Variants in SHB observed in about 807,000 individuals in gnomAD.
SHB encodes SH2 domain-containing adapter protein B.
Under a neutral mutation model 52.3 loss-of-function variants are expected in SHB, and 20 were observed. The observed-to-expected ratio is 0.38, with a 90% confidence interval of 0.27 to 0.56. SHB has a LOEUF of 0.56. Among genes scored for constraint, SHB ranks in the 20% least tolerant of loss-of-function variants. The pLI is 0.71. For missense variants in SHB, 825 were observed against 723.3 expected, an observed-to-expected ratio of 1.14 and a Z score of -1.61; for synonymous variants, 397 against 316.5, an observed-to-expected ratio of 1.25 and a Z score of -2.70.
At chr9:37,954,074 G>A (rs1040191199) in intron 4 of SHB, among the ~76,000 whole-genome samples, 7 of 152,190 alleles carry the variant, frequency 4.6e-5, no homozygotes, top group Non-Finnish European at 5.9e-5. Flanking sequence ...TGGTCAGGAC[G>A]CACGCCGAAC....
chr9:38,000,782 T>C (rs938814675), intron 2 of SHB, among the ~76,000 whole-genome samples: 2 of 152,164 alleles, frequency 1.3e-5, no homozygotes, highest in Admixed American at 6.5e-5. Context: ...CCAGAGCCAG[T>C]TGGGGTTGAG....
intron 2 of SHB, among the ~76,000 whole-genome samples, chr9:38,008,627 T>C (rs143984335): frequency 8.3e-4 from 126 of 152,334 alleles, no homozygotes; most frequent in African/African-American, 2.8e-3. Context: ...CTGTGTAAAC[T>C]TGGCTAGTGC....
chr9:37,943,284 A>G (rs953905648), intron 5 of SHB, among the ~76,000 whole-genome samples: 2 of 152,142 alleles, frequency 1.3e-5, no homozygotes, highest in African/African-American at 4.8e-5. Flanking sequence ...TCATAGAAAG[A>G]GTACTTTCTA....
At chr9:37,937,259 G>A (rs1413414989) in intron 5 of SHB, among the ~76,000 whole-genome samples, 12 of 152,162 alleles carry the variant, frequency 7.9e-5, no homozygotes, top group Admixed American at 4.6e-4. Context: ...TATAAGCTCC[G>A]CCCTGAAAGC....
chr9:37,935,171 G>A (rs893999286), intron 5 of SHB, among the ~76,000 whole-genome samples: 4 of 152,160 alleles, frequency 2.6e-5, no homozygotes, highest in East Asian at 1.9e-4. Context: ...CATCTCCTGC[G>A]TTTGTTGCCT....
At chr9:38,035,561 T>C (rs1268544758) in intron 1 of SHB, among the ~76,000 whole-genome samples, 1 of 152,024 alleles carries the variant, frequency 6.6e-6, no homozygotes, top group Non-Finnish European at 1.5e-5. Context: ...ATGTGAAAGG[T>C]TGGGTGCCAT....
intron 1 of SHB, among the ~76,000 whole-genome samples, chr9:38,067,177 G>A (rs963361900): frequency 1.3e-5 from 2 of 152,186 alleles, no homozygotes; most frequent in Non-Finnish European, 2.9e-5. Context: ...GACCTTATGG[G>A]GTAGGGGTGA....
In SHB at chr9:37,994,290, T is replaced by C. The variant is rs1207918058; in HGVS notation, c.839-19453A>G. On this transcript the variant is annotated intron_variant, in intron 2 of 5. Transcript: ENST00000377707. ...GCTCCTCAAAAGTCAAATAAGTCAGTAGATATGAAAGAGTAACCAATGAAG... is the reference window on the plus strand; with the variant it reads ...GCTCCTCAAAAGTCAAATAAGTCAGCAGATATGAAAGAGTAACCAATGAAG... 2.6e-5 allele frequency among the ~76,000 whole-genome samples: 4 copies of C among 152,168 alleles called. No homozygotes were observed. The East Asian group carries it at 7.7e-4, about 29-fold the overall frequency.
At chr9:38,018,394 A>T (rs1821243468) in intron 1 of SHB, among the ~76,000 whole-genome samples, 1 of 152,090 alleles carries the variant, frequency 6.6e-6, no homozygotes, top group African/African-American at 2.4e-5. Context: ...TGCCTGCTCC[A>T]CTTACTTCCG....
At chr9:37,967,841 C>T (rs1415718281) in intron 3 of SHB, among the ~76,000 whole-genome samples, 4 of 152,238 alleles carry the variant, frequency 2.6e-5, no homozygotes, top group African/African-American at 7.2e-5. Context: ...ACATGTCAGA[C>T]CTAGAATAGG....
chr9:38,013,656 C>T (rs1458269250), intron 2 of SHB, among the ~76,000 whole-genome samples: 1 of 152,220 alleles, frequency 6.6e-6, no homozygotes, highest in African/African-American at 2.4e-5. Context: ...CAACTACTCA[C>T]CTTTGAGGTC....
At chr9:38,061,106 C>T (rs773044610) in intron 1 of SHB, among the ~76,000 whole-genome samples, 12 of 152,006 alleles carry the variant, frequency 7.9e-5, no homozygotes, top group East Asian at 1.9e-4. Context: ...CCAAGGCAGA[C>T]GGATCACTTG....
chr9:38,024,843 G>A (rs1821321482), intron 1 of SHB, among the ~76,000 whole-genome samples: 1 of 152,220 alleles, frequency 6.6e-6, no homozygotes, highest in Admixed American at 6.5e-5. Flanking sequence ...ACTACTGAAA[G>A]GATCCCTGGG....
At chr9:37,985,021 G>C (rs1820787295) in intron 2 of SHB, among the ~76,000 whole-genome samples, 10 of 152,154 alleles carry the variant, frequency 6.6e-5, no homozygotes, top group Admixed American at 5.9e-4. Flanking sequence ...CTAGTTTCCG[G>C]AGCTGTCTAG....
chr9:38,010,028 C>T (rs4878733), intron 2 of SHB, among the ~76,000 whole-genome samples: 65,450 of 152,030 alleles, frequency 0.43, 14,433 homozygotes, highest in Middle Eastern at 0.51. Flanking sequence ...TCTAAAAAGG[C>T]GGCCTAAGTA....
chr9:38,067,265 C>A (rs1821981623), intron 1 of SHB, among the ~76,000 whole-genome samples: 1 of 152,150 alleles, frequency 6.6e-6, no homozygotes, highest in African/African-American at 2.4e-5. Context: ...CCCCCTCCCG[C>A]GCGCAGCGGG....
At chr9:38,008,384 T>C (rs553226637) in intron 2 of SHB, among the ~76,000 whole-genome samples, 10 of 152,290 alleles carry the variant, frequency 6.6e-5, no homozygotes, top group African/African-American at 2.2e-4. Flanking sequence ...TTCTTAAGAA[T>C]AGGAAAGTCA....
intron 2 of SHB, among the ~76,000 whole-genome samples, chr9:37,998,667 AGCC>A (rs1820978493): frequency 6.6e-6 from 1 of 152,212 alleles, no homozygotes; most frequent in African/African-American, 2.4e-5. Context: ...TGCCTAGGTT[AGCC>A]TCAAACTCTT....
At chr9:37,965,072 C>T (rs1832734066) in intron 3 of SHB, among the ~76,000 whole-genome samples, 2 of 152,256 alleles carry the variant, frequency 1.3e-5, no homozygotes, top group Non-Finnish European at 2.9e-5. Flanking sequence ...AGCCCAAAGA[C>T]CTGCAAGGAG....
Sources: gnomAD v4.1 joint callset for allele counts (sites outside exome capture counted in the v4.1 genomes callset) on GRCh38, gnomAD v4.1.1 for gene constraint, MANE v1.5 for transcripts, NCBI Gene and HGNC (gene_info 2026-07-23, HGNC 2026-07-21) for gene names.